The following CTNNA3 variants were observed in gnomAD, a reference collection of about 807,000 sequenced individuals.
CTNNA3 encodes catenin alpha-3.
Under a neutral mutation model 95.7 loss-of-function variants are expected in CTNNA3, and 76 were observed. That is an observed-to-expected ratio of 0.79 (90% CI 0.66 to 0.96). The LOEUF is 0.96. Among genes scored for constraint, CTNNA3 ranks in the 40% least tolerant of loss-of-function variants. The pLI, the probability that CTNNA3 is intolerant of heterozygous loss-of-function variation, is 0.00. For synonymous variants in CTNNA3, 431 were observed against 374.4 expected (o/e 1.15, Z -1.74); for missense variants, 1,191 against 1,089.8 (o/e 1.09, Z -1.31).
intron 7 of CTNNA3, among the ~76,000 whole-genome samples, chr10:66,805,244 C>G (rs2132245935): frequency 6.6e-6 from 1 of 151,932 alleles, no homozygotes; most frequent in Admixed American, 6.6e-5. Context: ...CTTTGTGTCT[C>G]TTTGCTATAA....
At chr10:66,140,682 C>T (rs1365455976) in intron 13 of CTNNA3, among the ~76,000 whole-genome samples, 1 of 152,166 alleles carries the variant, frequency 6.6e-6, no homozygotes, top group Non-Finnish European at 1.5e-5. Context: ...GCAAATCCCA[C>T]ATTGCATGGC....
chr10:66,148,250 T>C (rs1008605125), intron 13 of CTNNA3, among the ~76,000 whole-genome samples: 1 of 152,116 alleles, frequency 6.6e-6, no homozygotes, highest in Non-Finnish European at 1.5e-5. Context: ...GTTTATAGTA[T>C]AGTATTGCCT....
intron 5 of CTNNA3, among the ~76,000 whole-genome samples, chr10:67,245,551 A>G (rs562841355): frequency 1.8e-4 from 28 of 152,152 alleles, no homozygotes; most frequent in Non-Finnish European, 4.0e-4. Flanking sequence ...TTATCCTATC[A>G]TATGGCAATA....
At chr10:67,093,074 C>T (rs1781085484) in intron 7 of CTNNA3, among the ~76,000 whole-genome samples, 1 of 151,812 alleles carries the variant, frequency 6.6e-6, no homozygotes, top group Non-Finnish European at 1.5e-5. Flanking sequence ...TTAAAAGAAA[C>T]CAGAAGTAAT....
At chr10:67,604,042 T>C (rs1247346703) in intron 3 of CTNNA3, among the ~76,000 whole-genome samples, 1 of 152,232 alleles carries the variant, frequency 6.6e-6, no homozygotes, top group Admixed American at 6.5e-5. Context: ...CTATGTTATA[T>C]TAATAATTGC....
At chr10:67,175,806 T>C (rs1411514256) in intron 7 of CTNNA3, among the ~76,000 whole-genome samples, 1 of 152,182 alleles carries the variant, frequency 6.6e-6, no homozygotes, top group East Asian at 1.9e-4. Context: ...CTTGGTGTTA[T>C]CTTAGAACTC....
At chr10:66,865,268 T>C (rs1277666376) in intron 7 of CTNNA3, among the ~76,000 whole-genome samples, 1 of 151,584 alleles carries the variant, frequency 6.6e-6, no homozygotes, top group Admixed American at 6.6e-5. Context: ...GGAAGTATCA[T>C]TTTACTCCAG....
At chr10:66,803,586 A>T (rs1266514607) in intron 7 of CTNNA3, among the ~76,000 whole-genome samples, 1 of 152,066 alleles carries the variant, frequency 6.6e-6, no homozygotes, top group Non-Finnish European at 1.5e-5. Context: ...AGCAACAATA[A>T]CAACATGAAC....
chr10:67,602,443 G>A (rs547582317), intron 3 of CTNNA3, among the ~76,000 whole-genome samples: 15 of 152,260 alleles, frequency 9.9e-5, no homozygotes, highest in Admixed American at 4.6e-4. Context: ...AGTTGCTGGC[G>A]GTAGCTCATT....
chr10:66,552,104 CG>C (rs1564528334), intron 10 of CTNNA3, among the ~76,000 whole-genome samples: 1 of 151,834 alleles, frequency 6.6e-6, no homozygotes, highest in African/African-American at 2.4e-5. Flanking sequence ...GGGGTTTCAT[CG>C]TGTTAGCCAC....
intron 9 of CTNNA3, among the ~76,000 whole-genome samples, chr10:66,629,469 C>A (rs534944802): frequency 6.6e-6 from 1 of 152,062 alleles, no homozygotes; most frequent in Non-Finnish European, 1.5e-5. Flanking sequence ...TTGCACCAAC[C>A]TATATTTTTG....
chr10:66,710,955 T>C (rs1848272148), intron 9 of CTNNA3, among the ~76,000 whole-genome samples: 1 of 152,090 alleles, frequency 6.6e-6, no homozygotes, highest in African/African-American at 2.4e-5. Context: ...CTTTTAAATA[T>C]ACTACTAATT....
intron 12 of CTNNA3, among the ~76,000 whole-genome samples, chr10:66,329,345 GGCCTT>G (rs1192463443): frequency 6.6e-6 from 1 of 151,788 alleles, no homozygotes; most frequent in African/African-American, 2.4e-5. Context: ...GGTGATTGTG[GGCCTT>G]GCAATCTACT....
At chr10:67,725,989 T>C (rs911195274) in intron 1 of CTNNA3, among the ~76,000 whole-genome samples, 47 of 138,308 alleles carry the variant, frequency 3.4e-4, no homozygotes, top group African/African-American at 1.2e-3. Flanking sequence ...CTATATACTA[T>C]ATATTATATA....
intron 7 of CTNNA3, among the ~76,000 whole-genome samples, chr10:67,050,311 C>T (rs1233194963): frequency 2.0e-5 from 3 of 152,200 alleles, no homozygotes; most frequent in Non-Finnish European, 4.4e-5. Context: ...CCTGCTCTCC[C>T]TTTCTTGAGC....
intron 13 of CTNNA3, among the ~76,000 whole-genome samples, chr10:66,248,651 A>G (rs2135730): frequency 0.81 from 122,827 of 152,064 alleles, 49,952 homozygotes; most frequent in South Asian, 0.94. Context: ...AAACAAAGAA[A>G]GTGATTATAT....
At chr10:66,820,038 A>G (rs1189917634) in intron 7 of CTNNA3, among the ~76,000 whole-genome samples, 3 of 151,944 alleles carry the variant, frequency 2.0e-5, no homozygotes, top group Non-Finnish European at 4.4e-5. Flanking sequence ...ATAAATGTTC[A>G]GAGCAGCATT....
At chr10:66,980,479 ACAGGAACCAAAACTAT>A (rs879539430) in intron 7 of CTNNA3, among the ~76,000 whole-genome samples, 7,011 of 146,220 alleles carry the variant, frequency 0.048, 230 homozygotes, top group African/African-American at 0.071. Flanking sequence ...TCAGAATTGA[ACAGGAACCAAAACTAT>A]TGAGACCTTC....
intron 7 of CTNNA3, among the ~76,000 whole-genome samples, chr10:66,819,472 A>G (rs1287586675): frequency 6.6e-6 from 1 of 152,170 alleles, no homozygotes; most frequent in Non-Finnish European, 1.5e-5. Flanking sequence ...CGAGCAGCGA[A>G]AAATAAATAG....
Sources: gnomAD v4.1 joint callset for allele counts (sites outside exome capture counted in the v4.1 genomes callset) on GRCh38, gnomAD v4.1.1 for gene constraint, MANE v1.5 for transcripts, NCBI Gene and HGNC (gene_info 2026-07-23, HGNC 2026-07-21) for gene names.